The following MSI2 variants were observed in gnomAD, a reference collection of about 807,000 sequenced individuals.
MSI2 encodes the protein RNA-binding protein Musashi homolog 2.
In MSI2, 17 loss-of-function variants were observed where a neutral mutation model predicts 45.6. The ratio of observed to expected loss-of-function variants is 0.37; its 90% CI spans 0.26 to 0.56. The LOEUF (loss-of-function observed/expected upper bound fraction) is 0.56. MSI2 is among the 20% of genes least tolerant of loss of function. The pLI is 0.77. For missense variants in MSI2, 293 were observed against 444.2 expected (o/e 0.66, Z 3.06); for synonymous variants, 156 against 158.2 (o/e 0.99, Z 0.11).
chr17:57,455,522 A>C (rs1009719978), intron 6 of MSI2, among the ~76,000 whole-genome samples: 1 of 152,192 alleles, frequency 6.6e-6, no homozygotes. Flanking sequence ...TATGAATTAA[A>C]GATTACAGCC....
intron 6 of MSI2, among the ~76,000 whole-genome samples, chr17:57,526,358 T>G (rs8078134): frequency 1.0e-3 from 45 of 43,800 alleles, no homozygotes; most frequent in Middle Eastern, 0.01. Context: ...TATACCTGGG[T>G]GTGTGTGTGT....
intron 8 of MSI2, among the ~76,000 whole-genome samples, chr17:57,608,832 C>T (rs1045801154): frequency 3.9e-5 from 6 of 152,172 alleles, no homozygotes; most frequent in African/African-American, 1.4e-4. Flanking sequence ...GGGTGGGTCT[C>T]CCCGAATCTT....
intron 6 of MSI2, among the ~76,000 whole-genome samples, chr17:57,455,590 G>T (rs896353644): frequency 6.6e-6 from 1 of 152,148 alleles, no homozygotes; most frequent in Non-Finnish European, 1.5e-5. Flanking sequence ...CCCCCTGAGT[G>T]GAGAAGTTTT....
At chr17:57,472,498 T>G (rs2085456911) in intron 6 of MSI2, among the ~76,000 whole-genome samples, 1 of 73,304 alleles carries the variant, frequency 1.4e-5, no homozygotes, top group South Asian at 5.2e-4. Flanking sequence ...TAATTGAAGG[T>G]GATGGGAAGG....
intron 10 of MSI2, among the ~76,000 whole-genome samples, chr17:57,638,186 C>G (rs771036150): frequency 7.2e-5 from 11 of 152,196 alleles, no homozygotes; most frequent in African/African-American, 2.2e-4. Context: ...TGTGTCCCCC[C>G]ACCCTCTCCT....
intron 5 of MSI2, among the ~76,000 whole-genome samples, chr17:57,393,559 CT>C (rs1044864062): frequency 2.0e-5 from 3 of 152,136 alleles, no homozygotes; most frequent in Non-Finnish European, 4.4e-5. Flanking sequence ...TATTTTTTGG[CT>C]GTTGCTGCCA....
chr17:57,304,111 C>T (rs1021564478), intron 5 of MSI2, among the ~76,000 whole-genome samples: 3 of 152,158 alleles, frequency 2.0e-5, no homozygotes, highest in African/African-American at 7.2e-5. Flanking sequence ...GTAATCCCAG[C>T]ACTTTGGGAG....
Position 57,673,010 on chromosome 17 carries a change from T to C in MSI2, c.791-1962T>C, listed in dbSNP as rs1477498852. 2.0e-5 allele frequency among the ~76,000 whole-genome samples: 3 copies of C among 152,332 alleles called. No individual in the cohort carries two copies. In the East Asian group the frequency reaches 5.8e-4, roughly 29 times the overall value. On this transcript the variant is annotated intron_variant, in intron 11 of 13. Transcript: ENST00000284073. Reference sequence around the variant, plus strand: ...TTTCTTTTCTCTTTAACCTGCTCTTTCCATTGGCCAGTTTATTCATTTCTC... The same window carrying C: ...TTTCTTTTCTCTTTAACCTGCTCTTCCCATTGGCCAGTTTATTCATTTCTC...
At chr17:57,454,018 C>T (rs1039589295) in intron 6 of MSI2, among the ~76,000 whole-genome samples, 6 of 152,220 alleles carry the variant, frequency 3.9e-5, no homozygotes, top group Non-Finnish European at 7.3e-5. Flanking sequence ...CTATTACCCA[C>T]CTGTTGGCCG....
At chr17:57,532,879 T>TG (rs891939308) in intron 7 of MSI2, among the ~76,000 whole-genome samples, 1 of 152,232 alleles carries the variant, frequency 6.6e-6, no homozygotes, top group Non-Finnish European at 1.5e-5. Flanking sequence ...CCCAGCCCTG[T>TG]GGGGCAGCCT....
At chr17:57,259,655 A>G (rs1234206521) in intron 4 of MSI2, among the ~76,000 whole-genome samples, 1 of 152,226 alleles carries the variant, frequency 6.6e-6, no homozygotes, top group Admixed American at 6.5e-5. Flanking sequence ...GTACTTTTAG[A>G]TAATTTAATT....
chr17:57,603,240 G>A (rs1410989672), intron 8 of MSI2, among the ~76,000 whole-genome samples: 1 of 152,208 alleles, frequency 6.6e-6, no homozygotes, highest in Non-Finnish European at 1.5e-5. Context: ...GCAGGCCTTG[G>A]AGCATTGCTT....
At chr17:57,507,562 G>T (rs1237510879) in intron 6 of MSI2, among the ~76,000 whole-genome samples, 1 of 152,078 alleles carries the variant, frequency 6.6e-6, no homozygotes, top group East Asian at 1.9e-4. Context: ...GATTGATTAT[G>T]CTGTTTTTGG....
chr17:57,574,281 T>A (rs188662569), intron 7 of MSI2, among the ~76,000 whole-genome samples: 83 of 152,348 alleles, frequency 5.4e-4, no homozygotes, highest in African/African-American at 1.9e-3. Flanking sequence ...TTCTCTCTCG[T>A]CACTATTTGG....
chr17:57,575,715 G>A (rs148917627), intron 7 of MSI2, among the ~76,000 whole-genome samples: 2,425 of 152,164 alleles, frequency 0.016, 28 homozygotes, highest in Middle Eastern at 0.034. Context: ...GGAGGCTGAG[G>A]CGGGTGGATC....
At chr17:57,678,148 T>C (rs1311751852) in intron 13 of MSI2, among the ~76,000 whole-genome samples, 9 of 152,188 alleles carry the variant, frequency 5.9e-5, no homozygotes, top group Admixed American at 5.9e-4. Flanking sequence ...GAGGGATTGC[T>C]CCTGGCTCCT....
chr17:57,401,564 G>C, intron 6 of MSI2, 93 bp downstream of exon 6: 1 of 923,428 alleles, frequency 1.1e-6, no homozygotes. Flanking sequence ...TGCTACAGCT[G>C]TGTCCTCAAG....
chr17:57,410,539 T>G (rs1321672138), intron 6 of MSI2, among the ~76,000 whole-genome samples: 2 of 151,730 alleles, frequency 1.3e-5, no homozygotes, highest in Non-Finnish European at 2.9e-5. Flanking sequence ...TGCCCCAATG[T>G]AGCGAAAAGT....
Position 57,407,708 on chromosome 17 carries a change from C to T in MSI2, c.405+6237C>T, listed in dbSNP as rs182935874. 5.3e-5 allele frequency among the ~76,000 whole-genome samples: 8 copies of T among 152,060 alleles called. No individual in the cohort carries two copies. Among genetic ancestry groups the T allele is most frequent in the African/African-American group, 1.4e-4 (6 of 41,448 alleles). On this transcript the variant is annotated intron_variant, in intron 6 of 13. Transcript: ENST00000284073. This position sits in a 1 kb window ranked among gnomAD's most constrained non-coding sequence, Gnocchi z 4.1. ...GTGTTGCCCTTCAGACCTTCTTCAA[C>T]GACAATTGTAGGCTGGACCAGGAAG...
Sources: allele counts gnomAD v4.1 joint callset (sites outside exome capture counted in the v4.1 genomes callset), GRCh38; gene constraint gnomAD v4.1.1; non-coding constraint Gnocchi (gnomAD v3.1); transcripts MANE v1.5; gene names NCBI Gene and HGNC (gene_info 2026-07-23, HGNC 2026-07-21).